Variants in LMF1 observed in about 807,000 individuals in gnomAD.
LMF1 encodes the protein transmembrane protein 112.
In LMF1, 68 loss-of-function variants were observed where a neutral mutation model predicts 60.6. The ratio of observed to expected loss-of-function variants is 1.12; its 90% CI spans 0.92 to 1.37. LMF1 has a LOEUF of 1.37. Among genes scored for constraint, LMF1 ranks in the 40% most tolerant of loss-of-function variants. The pLI is 0.00. For synonymous variants in LMF1, 418 were observed against 324.7 expected, an observed-to-expected ratio of 1.29 and a Z score of -3.09; for missense variants, 948 against 767.2, an observed-to-expected ratio of 1.24 and a Z score of -2.78.
chr16:931,574 G>A, intron 3 of LMF1: 1 of 1,244,530 alleles, frequency 8.0e-7, no homozygotes, highest in Non-Finnish European at 1.0e-6. Context: ...AGAGGTCTCA[G>A]ATCAGGAAGC....
intron 1 of LMF1, among the ~76,000 whole-genome samples, chr16:978,110 CCACACACCATA>C (rs1567350803): frequency 7.2e-6 from 1 of 139,448 alleles, no homozygotes; most frequent in Non-Finnish European, 1.5e-5. Context: ...CACACACACA[CCACACACCATA>C]CACACACCAC....
chr16:937,802 C>T (rs2071986712), intron 2 of LMF1, among the ~76,000 whole-genome samples: 1 of 152,246 alleles, frequency 6.6e-6, no homozygotes, highest in Non-Finnish European at 1.5e-5. Context: ...AAGAAATCTT[C>T]CAGTTTCTGG....
In LMF1 at chr16:871,346, G is replaced by A. The variant is rs1470921028; in HGVS notation, c.898-5C>T. 21 of 1,611,480 alleles carry A rather than the reference G, an allele frequency of 1.3e-5. No individual in the cohort carries two copies. Among genetic ancestry groups the A allele is most frequent in the East Asian group, 2.2e-5 (1 of 44,870 alleles). ...CCCGCTGACGATGAGGACGGCCTGT[G>A]GAGACGCCGCAGCTGAGTCTCGTGC... On this transcript the variant is annotated splice_region_variant and splice_polypyrimidine_tract_variant and intron_variant, in intron 6 of 10. Transcript: ENST00000262301.
Position 918,703 on chromosome 16 carries a change from AC to A in LMF1, c.515-7625del, listed in dbSNP as rs1278752449. On this transcript the variant is annotated intron_variant, in intron 3 of 10. Coordinates refer to ENST00000262301, the MANE Select transcript of LMF1 (RefSeq NM_022773.4). ...GCCCCGGCCCTTCAGGCCTTGAGGC[AC>A]TCAAAGGCAGCCTGCGTGGCTGAGA... Among the ~76,000 whole-genome samples, 25 of 146,944 alleles carry A rather than the reference AC, an allele frequency of 1.7e-4. No homozygotes were observed. In the East Asian group the frequency reaches 2.3e-3, roughly 14 times the overall value.
chr16:869,694 C>T, intron 9 of LMF1, 189 bp downstream of exon 9: 1 of 695,424 alleles, frequency 1.4e-6, no homozygotes, highest in Non-Finnish European at 2.5e-6. Flanking sequence ...TGGGCTCCCA[C>T]ATGAGGCCCC....
intron 5 of LMF1, among the ~76,000 whole-genome samples, chr16:880,116 C>A (rs2070119979): frequency 6.6e-6 from 1 of 152,200 alleles, no homozygotes; most frequent in South Asian, 2.1e-4. Context: ...GCTGCAACCC[C>A]CAAGAGCCGG....
At chr16:871,723 A>C in intron 6 of LMF1, 1 of 202,502 alleles carries the variant, frequency 4.9e-6, no homozygotes, top group Non-Finnish European at 1.0e-5. Flanking sequence ...GTGAGTCCAA[A>C]CAGAGGAGGC....
intron 10 of LMF1, chr16:855,885 C>T (rs896031223): frequency 1.8e-5 from 8 of 455,924 alleles, no homozygotes; most frequent in South Asian, 3.1e-5. Flanking sequence ...GGGCCATGCC[C>T]CTTAGGCTGG....
intron 3 of LMF1, among the ~76,000 whole-genome samples, chr16:912,146 C>T (rs184216319): frequency 2.6e-5 from 4 of 152,318 alleles, no homozygotes; most frequent in Admixed American, 1.3e-4. Flanking sequence ...AGCATGACAA[C>T]GATCACATGA....
chr16:975,573 G>C (rs2073120245), upstream of LMF1, among the ~76,000 whole-genome samples: 1 of 152,228 alleles, frequency 6.6e-6, no homozygotes. Context: ...GGCTGAGCTG[G>C]GCCTGTGCCC....
chr16:917,396 C>T (rs1317213788), intron 3 of LMF1, among the ~76,000 whole-genome samples: 9 of 136,754 alleles, frequency 6.6e-5, no homozygotes, highest in Non-Finnish European at 1.4e-4. Flanking sequence ...TGCGGGCGGG[C>T]GCAGGCCCAC....
intron 10 of LMF1, among the ~76,000 whole-genome samples, chr16:859,204 G>A (rs1352717191): frequency 4.7e-4 from 58 of 124,182 alleles, no homozygotes; most frequent in East Asian, 1.7e-3. Context: ...GGTGTGAGTG[G>A]TGTCTCGGGA....
At chr16:879,849 C>T (rs1037207185) in intron 5 of LMF1, 112 bp from the exon 6 acceptor site, 2 of 1,073,594 alleles carry the variant, frequency 1.9e-6, no homozygotes, top group South Asian at 1.6e-5. Context: ...CACACAGGAT[C>T]CCCCCGGCCC....
rs1156492187 is a variant in LMF1, at chr16:897,878, C to A, written c.664-4806G>T. Among the ~76,000 whole-genome samples, 1 of 152,224 alleles carries A rather than the reference C, an allele frequency of 6.6e-6. No homozygotes were observed. Among genetic ancestry groups the A allele is most frequent in the African/African-American group, 2.4e-5 (1 of 41,454 alleles). ...TTTCTTGCCCTCATGCAAGAGAGAA[C>A]TGGCATGGGAGGTGGGCTCCGCCCC... is the stretch of plus-strand genomic sequence containing the variant. On this transcript the variant is annotated intron_variant, in intron 4 of 10. Coordinates refer to ENST00000262301, the MANE Select transcript of LMF1 (RefSeq NM_022773.4). This position sits in a 1 kb window ranked among gnomAD's most constrained non-coding sequence, Gnocchi z 4.3.
At chr16:921,359 T>C (rs2071425570) in intron 3 of LMF1, among the ~76,000 whole-genome samples, 1 of 152,174 alleles carries the variant, frequency 6.6e-6, no homozygotes, top group Admixed American at 6.5e-5. Flanking sequence ...GTCCAAGACC[T>C]CCTGGGTGGG....
At chr16:859,030 G>C (rs1187282449) in intron 10 of LMF1, among the ~76,000 whole-genome samples, 2,106 of 59,792 alleles carry the variant, frequency 0.035, 147 homozygotes, top group Non-Finnish European at 0.044. Context: ...TCACGGGACG[G>C]GTGTGAGTGA....
rs1409662274 is a variant in LMF1, at chr16:934,241, T to A, written c.514+3A>T. ...GAGCTTTCTCTAAATGCATCTCACT[T>A]ACCGAAAGAGTACCTGAAAAACAAA... On this transcript the variant is annotated splice_donor_region_variant and intron_variant, in intron 3 of 10. Coordinates refer to ENST00000262301, the MANE Select transcript of LMF1 (RefSeq NM_022773.4). The A allele has an allele frequency of 6.3e-7, 1 of 1,599,274 alleles. No individual in the cohort carries two copies. The highest frequency in any genetic ancestry group is 1.3e-5 in the African/African-American group (1 of 74,942).
chr16:965,618 C>T (rs541543780), intron 1 of LMF1, among the ~76,000 whole-genome samples: 7 of 152,250 alleles, frequency 4.6e-5, no homozygotes, highest in South Asian at 4.1e-4. Flanking sequence ...ATTAGAGATC[C>T]GGGCAAGTTG....
chr16:889,840 A>G (rs2070426077), intron 5 of LMF1, among the ~76,000 whole-genome samples: 1 of 152,158 alleles, frequency 6.6e-6, no homozygotes, highest in Non-Finnish European at 1.5e-5. Flanking sequence ...CTCGTCATCA[A>G]GACACACGGG....
Sources: gnomAD v4.1 joint callset for allele counts (sites outside exome capture counted in the v4.1 genomes callset) on GRCh38, gnomAD v4.1.1 for gene constraint, Gnocchi (gnomAD v3.1) non-coding constraint, MANE v1.5 for transcripts, NCBI Gene and HGNC (gene_info 2026-07-23, HGNC 2026-07-21) for gene names.